TNRC6B: variants seen among roughly 807,000 people sequenced by gnomAD.
TNRC6B encodes trinucleotide repeat containing adaptor 6B.
TNRC6B carries 52 observed loss-of-function variants against 203.6 expected under a neutral mutation model. The observed-to-expected ratio is 0.26, with a 90% confidence interval of 0.20 to 0.32. The LOEUF is 0.32. Ranked by LOEUF, TNRC6B falls within the 10% of genes least tolerant of loss-of-function variation. The probability of loss-of-function intolerance (pLI) is 1.00; values close to 1 mark genes in which losing one functional copy is unlikely to be tolerated. For synonymous variants in TNRC6B, 838 were observed against 845.7 expected (o/e 0.99, Z 0.16); for missense variants, 1,923 against 2,286.2 (o/e 0.84, Z 3.24).
At chr22:40,207,417 AAATATATAT>A (rs1457204377) in intron 1 of TNRC6B, among the ~76,000 whole-genome samples, 5 of 111,298 alleles carry the variant, frequency 4.5e-5, no homozygotes, top group African/African-American at 2.9e-4. Context: ...AAAAAAAAAA[AAATATATAT>A]ATATATATAT....
rs190327163 is a variant in TNRC6B at position 40,261,700 on chromosome 22, C to T, written c.116-132C>T. ...CCAAGGTGGGAGAGTCCCTTGAGCC[C>T]GAGTTCAAGACCAGCATGGGCAACA... On this transcript the variant is annotated intron_variant, in intron 3 of 22. Transcript: ENST00000454349. 6 of 770,920 alleles carry T rather than the reference C, an allele frequency of 7.8e-6. No individual in the cohort carries two copies. In the East Asian group the frequency reaches 1.3e-4, roughly 17 times the overall value. The allele number at this position is 770,920 out of a possible 1,614,324, so 47.8% of individuals were successfully genotyped here.
At chr22:40,230,110 T>G (rs948222363) in intron 1 of TNRC6B, among the ~76,000 whole-genome samples, 1 of 152,130 alleles carries the variant, frequency 6.6e-6, no homozygotes, top group African/African-American at 2.4e-5. Flanking sequence ...CTTGGAATGG[T>G]GAGTCTTTTT....
intron 3 of TNRC6B, among the ~76,000 whole-genome samples, chr22:40,126,193 C>G (rs150844952): frequency 1.9e-4 from 29 of 152,272 alleles, no homozygotes; most frequent in African/African-American, 6.5e-4. Context: ...TCCCCTGTTC[C>G]TGCTGCACAG....
chr22:40,288,535 T>C (rs1452569780), intron 12 of TNRC6B, among the ~76,000 whole-genome samples: 1 of 150,154 alleles, frequency 6.7e-6, no homozygotes, highest in African/African-American at 2.4e-5. Context: ...TAAAACCCCA[T>C]CTCTACAAAT....
At chr22:40,077,529 A>G (rs1243718921) in intron 1 of TNRC6B, among the ~76,000 whole-genome samples, 1 of 152,052 alleles carries the variant, frequency 6.6e-6, no homozygotes, top group Admixed American at 6.6e-5. Flanking sequence ...TAAAATTTTT[A>G]TTTCTGAATC....
intron 1 of TNRC6B, among the ~76,000 whole-genome samples, chr22:40,240,561 T>C (rs2070014731): frequency 6.6e-6 from 1 of 152,232 alleles, no homozygotes; most frequent in African/African-American, 2.4e-5. Context: ...TAAACTATTC[T>C]TGGCACAAAG....
intron 1 of TNRC6B, among the ~76,000 whole-genome samples, chr22:40,084,528 G>A (rs2068086688): frequency 6.6e-6 from 1 of 152,214 alleles, no homozygotes; most frequent in Admixed American, 6.5e-5. Context: ...ACGGTGATAA[G>A]TGTTCTGCCA....
chr22:40,330,520 CAAAAT>C lies in TNRC6B; in HGVS notation c.*7284_*7288del, dbSNP rs1356540551. The stretch of plus-strand genomic sequence containing the variant: ...GGGAAAGGTGGGTATTTAGGCAAAA[CAAAAT>C]AAAAACCTTTGGAACCCTTTAAGAA... On this transcript the variant is annotated 3_prime_UTR_variant, in exon 23 of 23. Transcript: ENST00000454349. The C allele has an allele frequency of 1.3e-5, 2 of 152,540 alleles. No homozygotes were observed. The highest frequency in any genetic ancestry group is 1.9e-4 in the East Asian group (1 of 5,186). 9.4% of individuals were successfully genotyped at this position (152,540 alleles called of 1,614,324 possible). A position where few individuals can be genotyped will look rare whatever the true frequency, so the allele number is the denominator to read the frequency against.
intron 1 of TNRC6B, among the ~76,000 whole-genome samples, chr22:40,051,246 G>T (rs938931665): frequency 6.6e-6 from 1 of 152,146 alleles, no homozygotes; most frequent in Admixed American, 6.5e-5. Flanking sequence ...CACCAATCCT[G>T]TTCTGAATTG....
At position 40,323,745 on chromosome 22, in the gene TNRC6B, C is replaced by T. The variant is rs1475189388; in HGVS notation, c.*504C>T. On this transcript the variant is annotated 3_prime_UTR_variant, in exon 23 of 23. Transcript: ENST00000454349. ...TTGTTGGGGGAGGGGGGAGGGAAGACTTGACGGAGCCTCACTTTAAAAACA... is the reference window on the plus strand; with the variant it reads ...TTGTTGGGGGAGGGGGGAGGGAAGATTTGACGGAGCCTCACTTTAAAAACA... 6.7e-6 allele frequency: 1 copy of T among 148,312 alleles called. No individual in the cohort carries two copies. Among genetic ancestry groups the T allele is most frequent in the Non-Finnish European group, 1.5e-5 (1 of 67,334 alleles). The allele number at this position is 148,312 out of a possible 1,614,324, so 9.2% of individuals were successfully genotyped here.
chr22:40,194,277 A>G (rs1183227487), intron 1 of TNRC6B, among the ~76,000 whole-genome samples: 1 of 152,170 alleles, frequency 6.6e-6, no homozygotes, highest in African/African-American at 2.4e-5. Context: ...TGTGTGCTTT[A>G]CCTGTGCTAA....
intron 12 of TNRC6B, among the ~76,000 whole-genome samples, chr22:40,299,240 C>T (rs921389935): frequency 3.7e-5 from 5 of 134,950 alleles, no homozygotes; most frequent in African/African-American, 1.1e-4. Context: ...GAACTAAAGT[C>T]TTTTTTTTTT....
chr22:40,058,154 G>A (rs1390063590), intron 1 of TNRC6B, among the ~76,000 whole-genome samples: 1 of 152,142 alleles, frequency 6.6e-6, no homozygotes, highest in Admixed American at 6.5e-5. Flanking sequence ...GCTCCAGAAA[G>A]AGGAGATCTT....
intron 12 of TNRC6B, among the ~76,000 whole-genome samples, chr22:40,287,898 G>A (rs955084127): frequency 1.1e-3 from 168 of 152,172 alleles, no homozygotes; most frequent in African/African-American, 3.9e-3. Flanking sequence ...TTGGGTAATC[G>A]GCTGAGCCTT....
At chr22:40,316,648 T>C (rs2071263441) in intron 21 of TNRC6B, among the ~76,000 whole-genome samples, 1 of 151,896 alleles carries the variant, frequency 6.6e-6, no homozygotes, top group African/African-American at 2.4e-5. Flanking sequence ...GAGAGGGAAA[T>C]AGATGTGGGA....
chr22:40,156,593 T>C (rs1337943180), intron 4 of TNRC6B, among the ~76,000 whole-genome samples: 2 of 152,214 alleles, frequency 1.3e-5, no homozygotes, highest in Admixed American at 6.5e-5. Flanking sequence ...TGGTACTTTC[T>C]GAAATTCTAT....
At chr22:40,118,000 G>A (rs1359482733) in intron 2 of TNRC6B, among the ~76,000 whole-genome samples, 2 of 152,146 alleles carry the variant, frequency 1.3e-5, no homozygotes, top group African/African-American at 2.4e-5. Flanking sequence ...ATGAAGAATT[G>A]TGGGTGGATC....
chr22:40,308,972 C>T (rs2146560605), intron 16 of TNRC6B, among the ~76,000 whole-genome samples: 1 of 152,340 alleles, frequency 6.6e-6, no homozygotes, highest in East Asian at 1.9e-4. Flanking sequence ...AGCAAGGGAT[C>T]ATAACAATAC....
intron 11 of TNRC6B, 150 bp from the exon 12 acceptor site, chr22:40,285,495 C>G: frequency 1.1e-6 from 1 of 871,740 alleles, no homozygotes; most frequent in Non-Finnish European, 1.7e-6. Context: ...CCCAAGCCTT[C>G]TAAGATAAGG....
Sources: allele counts gnomAD v4.1 joint callset (sites outside exome capture counted in the v4.1 genomes callset), GRCh38; gene constraint gnomAD v4.1.1; transcripts MANE v1.5; gene names NCBI Gene and HGNC (gene_info 2026-07-23, HGNC 2026-07-21).